Variants in DLGAP2 observed in about 807,000 individuals in gnomAD.
DLGAP2 encodes disks large-associated protein 2.
A neutral mutation model predicts 100.3 loss-of-function variants in DLGAP2; 26 were observed. The ratio of observed to expected loss-of-function variants is 0.26; its 90% confidence interval spans 0.19 to 0.36. DLGAP2 has a LOEUF of 0.36. Ranked by LOEUF, DLGAP2 falls within the 10% of genes least tolerant of loss-of-function variation. DLGAP2 has a pLI of 1.00. For synonymous variants in DLGAP2, 886 were observed against 630.1 expected, an observed-to-expected ratio of 1.41 and a Z score of -6.08; for missense variants, 1,858 against 1,453.2, an observed-to-expected ratio of 1.28 and a Z score of -4.53.
chr8:958,731 T>C (rs1429735731), intron 2 of DLGAP2, among the ~76,000 whole-genome samples: 1 of 151,722 alleles, frequency 6.6e-6, no homozygotes, highest in African/African-American at 2.4e-5. Flanking sequence ...GTTAGAAGAG[T>C]TTCAGTAGTT....
intron 4 of DLGAP2, among the ~76,000 whole-genome samples, chr8:1,503,839 G>A (rs1249050161): frequency 1.3e-5 from 2 of 152,164 alleles, no homozygotes; most frequent in Non-Finnish European, 2.9e-5. Flanking sequence ...TGGCTGAGAG[G>A]ACCCTCAAAC....
chr8:1,194,374 C>T (rs1393520432), intron 2 of DLGAP2, among the ~76,000 whole-genome samples: 1 of 152,064 alleles, frequency 6.6e-6, no homozygotes, highest in Non-Finnish European at 1.5e-5. Context: ...CGGTTGGCGG[C>T]CGGCCCACAT....
chr8:1,366,773 G>A (rs982226703), intron 3 of DLGAP2, among the ~76,000 whole-genome samples: 2 of 152,170 alleles, frequency 1.3e-5, no homozygotes, highest in Non-Finnish European at 2.9e-5. Flanking sequence ...TCTGTCTCGG[G>A]TCCCCGCAGC....
intron 2 of DLGAP2, among the ~76,000 whole-genome samples, chr8:1,232,254 G>C (rs377619179): frequency 6.6e-6 from 1 of 152,220 alleles, no homozygotes. Context: ...AACGCAAAAG[G>C]ACCCCGTGCT....
At chr8:1,442,919 T>G (rs1458703476) in intron 3 of DLGAP2, among the ~76,000 whole-genome samples, 1 of 152,262 alleles carries the variant, frequency 6.6e-6, no homozygotes, top group East Asian at 1.9e-4. Context: ...ATAAATTTGC[T>G]TACATCTTTT....
At chr8:1,194,186 C>A (rs552719884) in intron 2 of DLGAP2, among the ~76,000 whole-genome samples, 4 of 152,078 alleles carry the variant, frequency 2.6e-5, no homozygotes, top group Non-Finnish European at 5.9e-5. Flanking sequence ...AAGAAACTGC[C>A]GCCTGTGGGA....
rs538637301 is a variant in DLGAP2 at position 1,267,572 on chromosome 8, A to G, written c.106+8689A>G. On this transcript the variant is annotated intron_variant, in intron 3 of 14. Transcript: ENST00000637795. ...AAATTCCCGCTCAAAATAAAATAAA[A>G]TAAAATAAAATAAAATAAGATAAGA... Among the ~76,000 whole-genome samples the G allele has an allele frequency of 1.1e-4, 6 of 52,752 alleles. No individual in the cohort carries two copies. In the East Asian group the frequency reaches 2.8e-3, roughly 24 times the overall value. The allele number at this position is 52,752 out of a possible 152,430, so 34.6% of individuals were successfully genotyped here.
At chr8:1,500,143 ATG>A (rs1799669562) in intron 3 of DLGAP2, among the ~76,000 whole-genome samples, 1 of 152,270 alleles carries the variant, frequency 6.6e-6, no homozygotes, top group Non-Finnish European at 1.5e-5. Context: ...GTGTACGCAC[ATG>A]TGTCATCATT....
At chr8:1,070,470 C>A (rs1414645592) in intron 2 of DLGAP2, among the ~76,000 whole-genome samples, 1 of 152,140 alleles carries the variant, frequency 6.6e-6, no homozygotes, top group Non-Finnish European at 1.5e-5. Context: ...CAACATACAA[C>A]CCCAAAATGT....
intron 2 of DLGAP2, among the ~76,000 whole-genome samples, chr8:1,043,228 T>C (rs1483953901): frequency 1.4e-4 from 10 of 72,086 alleles, no homozygotes; most frequent in African/African-American, 1.6e-4. Flanking sequence ...GGGTGGTGGA[T>C]GTGGGTGGTG....
At chr8:837,572 C>T (rs1333408800) in intron 1 of DLGAP2, among the ~76,000 whole-genome samples, 3 of 151,874 alleles carry the variant, frequency 2.0e-5, no homozygotes, top group African/African-American at 7.3e-5. Flanking sequence ...GACCTAAGGC[C>T]GTGCTCAGGC....
intron 6 of DLGAP2, among the ~76,000 whole-genome samples, chr8:1,602,135 T>G (rs2957079): frequency 0.74 from 112,245 of 152,072 alleles, 41,705 homozygotes; most frequent in East Asian, 0.92. Context: ...TGAGTGAATG[T>G]ATATGTTCTT....
At chr8:1,376,305 C>A (rs542809333) in intron 3 of DLGAP2, among the ~76,000 whole-genome samples, 1 of 152,210 alleles carries the variant, frequency 6.6e-6, no homozygotes, top group Non-Finnish European at 1.5e-5. Flanking sequence ...GTCTCTGTGC[C>A]GTTTCTTCTC....
chr8:910,146 C>T (rs759239070), intron 2 of DLGAP2, among the ~76,000 whole-genome samples: 6 of 152,188 alleles, frequency 3.9e-5, no homozygotes, highest in Non-Finnish European at 2.9e-5. Flanking sequence ...CCAAACTGGG[C>T]GCTTAGGCAG....
intron 4 of DLGAP2, among the ~76,000 whole-genome samples, chr8:1,531,674 A>G (rs1800995006): frequency 6.6e-6 from 1 of 152,142 alleles, no homozygotes; most frequent in African/African-American, 2.4e-5. Context: ...AATATTCTCT[A>G]AGAGGAAAAT....
chr8:1,142,318 G>A (rs1159363945), intron 2 of DLGAP2, among the ~76,000 whole-genome samples: 1 of 152,174 alleles, frequency 6.6e-6, no homozygotes, highest in African/African-American at 2.4e-5. Flanking sequence ...CAGAAGCCAT[G>A]AGTTCTGAGC....
chr8:1,183,873 T>C (rs968885732), intron 2 of DLGAP2, among the ~76,000 whole-genome samples: 5 of 152,218 alleles, frequency 3.3e-5, no homozygotes, highest in African/African-American at 9.7e-5. Flanking sequence ...CTGGGTAAAT[T>C]ATTTAAGGTC....
intron 3 of DLGAP2, among the ~76,000 whole-genome samples, chr8:1,483,804 C>T (rs1346548676): frequency 6.6e-6 from 1 of 152,184 alleles, no homozygotes; most frequent in Non-Finnish European, 1.5e-5. Flanking sequence ...CTGCCAGGAG[C>T]AGCCACAGAC....
intron 2 of DLGAP2, among the ~76,000 whole-genome samples, chr8:1,085,712 GCT>G (rs1354958875): frequency 6.6e-6 from 1 of 152,116 alleles, no homozygotes; most frequent in Non-Finnish European, 1.5e-5. Context: ...GATTCCTCTA[GCT>G]TTGCTACTTT....
Sources: allele counts gnomAD v4.1 joint callset (sites outside exome capture counted in the v4.1 genomes callset), GRCh38; gene constraint gnomAD v4.1.1; transcripts MANE v1.5; gene names NCBI Gene and HGNC (gene_info 2026-07-23, HGNC 2026-07-21).